Variants in ALG10 observed in about 807,000 individuals in gnomAD.
ALG10 encodes dol-P-Glc:Glc(2)Man(9)GlcNAc(2)-PP-Dol alpha-1,2-glucosyltransferase A.
ALG10 carries 25 observed loss-of-function variants against 39.2 expected under a neutral mutation model. That is an observed-to-expected ratio of 0.64 (90% CI 0.46 to 0.89). ALG10 has a LOEUF of 0.89. ALG10 is among the 40% of genes least tolerant of loss of function. The pLI, the probability that ALG10 is intolerant of heterozygous loss-of-function variation, is 0.00. For synonymous variants in ALG10, 184 were observed against 193.9 expected, an observed-to-expected ratio of 0.95 and a Z score of 0.42; for missense variants, 486 against 546.6, an observed-to-expected ratio of 0.89 and a Z score of 1.11.
chr12:34,024,337 A>G (rs1471761594), intron 2 of ALG10, among the ~76,000 whole-genome samples, 178 bp downstream of exon 2: 1 of 152,254 alleles, frequency 6.6e-6, no homozygotes, highest in Non-Finnish European at 1.5e-5. Flanking sequence ...ATTCGTATTT[A>G]AATACTTGAA....
In ALG10 at chr12:34,022,660, T is replaced by G. The variant is rs1174043504; in HGVS notation, c.61T>G (p.Cys21Gly). 18 of 1,614,058 alleles carry G rather than the reference T, an allele frequency of 1.1e-5. No homozygotes were observed. The highest frequency in any genetic ancestry group is 1.4e-5 in the Non-Finnish European group (16 of 1,180,016). The change falls in exon 1 of 3, where the codon TGC (cysteine) becomes GGC (glycine). Residue 21 changes from cysteine (C) to glycine (G), a missense_variant. By Grantham distance (159) the Cys-to-Gly change is radical. Transcript: ENST00000266483. ...AALSCTFLVSCLLFSAFSRAL... is the reference protein window; with the variant it reads ...AALSCTFLVSGLLFSAFSRAL... The stretch of plus-strand genomic sequence containing the variant: ...CTTGAGCTGTACCTTTTTAGTATCC[T>G]GCCTCCTCTTCTCCGCCTTCAGCCG...
chr12:34,025,815 AT>A (rs754993012), intron 2 of ALG10, 47 bp from the exon 3 acceptor site: 2 of 1,609,436 alleles, frequency 1.2e-6, no homozygotes, highest in South Asian at 1.1e-5. Context: ...CAGAAATAGC[AT>A]TTTTTGTCAT....
At position 34,024,078 on chromosome 12, in the gene ALG10, C is replaced by G; in HGVS notation, c.288C>G (p.Leu96=). 6.2e-7 allele frequency: 1 copy of G among 1,614,136 alleles called. No individual in the cohort carries two copies. The highest frequency in any genetic ancestry group is 8.5e-7 in the Non-Finnish European group (1 of 1,180,010). The change falls in exon 2 of 3, where the codon CTC becomes CTG. Residue 96 remains leucine (L), a synonymous_variant. Coordinates refer to ENST00000266483, the MANE Select transcript of ALG10 (RefSeq NM_032834.4). ...ATGTTGTCTGCTCCATTGGGATGCT[C>G]AGATTTGTTAATCTTCTCTTCAGTG... The part of the protein sequence containing the change: ...SEHVVCSIGM[L]RFVNLLFSVG...
Position 34,028,294 on chromosome 12 carries a change from C to T in ALG10, c.*1379C>T, listed in dbSNP as rs944794021. The T allele has an allele frequency of 6.6e-6, 1 of 152,146 alleles. No individual in the cohort carries two copies. The highest frequency in any genetic ancestry group is 2.4e-5 in the African/African-American group (1 of 41,446). 9.4% of individuals were successfully genotyped at this position (152,146 alleles called of 1,614,324 possible). On this transcript the variant is annotated 3_prime_UTR_variant, in exon 3 of 3. Coordinates refer to ENST00000266483, the MANE Select transcript of ALG10 (RefSeq NM_032834.4). ...GATTAAATAAAGCTAATCTATCCAT[C>T]ACCTCAAATATTTGACATATTTTGT...
At position 34,026,246 on chromosome 12, in the gene ALG10, G is replaced by T; in HGVS notation, c.753G>T (p.Leu251Phe). 6.2e-7 allele frequency: 1 copy of T among 1,614,044 alleles called. No homozygotes were observed. The highest frequency in any genetic ancestry group is 8.5e-7 in the Non-Finnish European group (1 of 1,179,972). Residue 251 changes from leucine (L) to phenylalanine (F), a missense_variant, in exon 3 of 3, where the codon TTG becomes TTT. Physicochemically the swap from Leu to Phe is conservative, Grantham distance 22. Coordinates refer to ENST00000266483, the MANE Select transcript of ALG10 (RefSeq NM_032834.4). ...SMSFKNLSMLLLLTWPYILLG... is the reference protein window; with the variant it reads ...SMSFKNLSMLFLLTWPYILLG... Reference sequence around the variant, plus strand: ...CCTTTAAAAACTTGAGTATGCTTTTGCTTCTGACTTGGCCCTACATCCTTC... The same window carrying T: ...CCTTTAAAAACTTGAGTATGCTTTTTCTTCTGACTTGGCCCTACATCCTTC...
At position 34,026,432 on chromosome 12, in the gene ALG10, G is replaced by C. The variant is rs1180308804; in HGVS notation, c.939G>C (p.Lys313Asn). 1 of 1,613,676 alleles carries C rather than the reference G, an allele frequency of 6.2e-7. No homozygotes were observed. Among genetic ancestry groups the C allele is most frequent in the Non-Finnish European group, 8.5e-7 (1 of 1,179,906 alleles). Reference sequence around the variant, plus strand: ...ATCTCCTGTCTCCTAGCAAAATTAAGACTTTTCTTTCCTTAGTTTGGAAAC... The same window carrying C: ...ATCTCCTGTCTCCTAGCAAAATTAACACTTTTCTTTCCTTAGTTTGGAAAC... ...FPHLLSPSKI[K>N]TFLSLVWKRR... The change falls in exon 3 of 3, where the codon AAG becomes AAC. Residue 313 changes from lysine (K) to asparagine (N), a missense_variant. Physicochemically the swap from Lys to Asn is moderately conservative, Grantham distance 94 (BLOSUM62 0). Transcript: ENST00000266483.
chr12:34,025,591 T>G (rs1647039828), intron 2 of ALG10, among the ~76,000 whole-genome samples: 1 of 152,178 alleles, frequency 6.6e-6, no homozygotes. Flanking sequence ...CCTTAACTAA[T>G]CATTGCCTGA....
In ALG10 at chr12:34,024,039, T is replaced by C. The variant is rs769209909; in HGVS notation, c.249T>C (p.Phe83=). The C allele has an allele frequency of 1.1e-5, 17 of 1,614,082 alleles. No homozygotes were observed. The South Asian group carries it at 1.8e-4, about 17-fold the overall frequency. ...TGATCAAACCTGCCATTTGGATCTTTGGATGGTCTGAACATGTTGTCTGCT... is the reference window on the plus strand; with the variant it reads ...TGATCAAACCTGCCATTTGGATCTTCGGATGGTCTGAACATGTTGTCTGCT... ...IGVIKPAIWI[F]GWSEHVVCSI... is the part of the protein sequence containing the mutation. Residue 83 remains phenylalanine (F), a synonymous_variant, in exon 2 of 3, where the codon TTT becomes TTC. Coordinates refer to ENST00000266483, the MANE Select transcript of ALG10 (RefSeq NM_032834.4).
In ALG10 at chr12:34,027,269, G is replaced by C; in HGVS notation, c.*354G>C. 6.2e-6 allele frequency: 1 copy of C among 161,700 alleles called. No homozygotes were observed. Among genetic ancestry groups the C allele is most frequent in the South Asian group, 2.0e-4 (1 of 5,094 alleles). The allele number at this position is 161,700 out of a possible 1,614,324, so 10.0% of individuals were successfully genotyped here. On this transcript the variant is annotated 3_prime_UTR_variant, in exon 3 of 3. Transcript: ENST00000266483. ...TACTGGAATGAATTTATTCTCTTCA[G>C]AGAGAAATATTAGGTTAGTGCAAAA...
In ALG10 at chr12:34,022,558, T is replaced by A; in HGVS notation, c.-42T>A. On this transcript the variant is annotated 5_prime_UTR_variant, in exon 1 of 3. Coordinates refer to ENST00000266483, the MANE Select transcript of ALG10 (RefSeq NM_032834.4). ...CAGCTCGGGTTTCCAGGCTCAGAAT[T>A]TTCCAGGAGTAGGTTCTTGGGCAGT... The A allele has an allele frequency of 6.2e-7, 1 of 1,613,792 alleles. No homozygotes were observed. Among genetic ancestry groups the A allele is most frequent in the Non-Finnish European group, 8.5e-7 (1 of 1,179,850 alleles).
At chr12:34,025,287 A>G (rs1319822256) in intron 2 of ALG10, among the ~76,000 whole-genome samples, 2 of 152,234 alleles carry the variant, frequency 1.3e-5, no homozygotes, top group African/African-American at 2.4e-5. Flanking sequence ...AAAGGCCAAA[A>G]GAAGATATAT....
At position 34,028,102 on chromosome 12, in the gene ALG10, C is replaced by T. The variant is rs1434582374; in HGVS notation, c.*1187C>T. 1.3e-5 allele frequency: 2 copies of T among 152,076 alleles called. No homozygotes were observed. Among genetic ancestry groups the T allele is most frequent in the Non-Finnish European group, 2.9e-5 (2 of 68,018 alleles). 9.4% of individuals were successfully genotyped at this position (152,076 alleles called of 1,614,324 possible). On this transcript the variant is annotated 3_prime_UTR_variant, in exon 3 of 3. Coordinates refer to ENST00000266483, the MANE Select transcript of ALG10 (RefSeq NM_032834.4). ...ATGATCTGAGTAGACATTGTCTCTT[C>T]GTGGGATACTTTTCAGTCCATGACA...
Position 34,022,687 on chromosome 12 carries a change from G to C in ALG10, c.88G>C (p.Ala30Pro). The C allele has an allele frequency of 6.2e-7, 1 of 1,614,128 alleles. No homozygotes were observed. The highest frequency in any genetic ancestry group is 8.5e-7 in the Non-Finnish European group (1 of 1,180,004). The change falls in exon 1 of 3, where the codon GCG becomes CCG. Residue 30 changes from alanine (A) to proline (P), a missense_variant. Coordinates refer to ENST00000266483, the MANE Select transcript of ALG10 (RefSeq NM_032834.4). ...SCLLFSAFSRALREPYMDEIF... is the reference protein window; with the variant it reads ...SCLLFSAFSRPLREPYMDEIF... ...CCTCCTCTTCTCCGCCTTCAGCCGGGCGTTGCGAGAGCCCTACATGGACGA... is the reference window on the plus strand; with the variant it reads ...CCTCCTCTTCTCCGCCTTCAGCCGGCCGTTGCGAGAGCCCTACATGGACGA...
In ALG10 at chr12:34,026,906, T is replaced by G; in HGVS notation, c.1413T>G (p.Phe471Leu). 1 of 1,613,398 alleles carries G rather than the reference T, an allele frequency of 6.2e-7. No individual in the cohort carries two copies. Among genetic ancestry groups the G allele is most frequent in the Non-Finnish European group, 8.5e-7 (1 of 1,179,616 alleles). Residue 471 changes from phenylalanine (F) to leucine (L), a missense_variant, in exon 3 of 3, where the codon TTT becomes TTG. By Grantham distance (22) the Phe-to-Leu change is conservative (BLOSUM62 0). Coordinates refer to ENST00000266483, the MANE Select transcript of ALG10 (RefSeq NM_032834.4). ...CAAATAGTCAGGACATTCAAAGGTT[T>G]ATGTGGTAATATCAGTGATATTTCG... is the stretch of plus-strand genomic sequence containing the variant. ...QWPNSQDIQR[F>L]MW
intron 1 of ALG10, 36 bp downstream of exon 1, chr12:34,022,806 C>G (rs1461254806): frequency 6.2e-7 from 1 of 1,613,514 alleles, no homozygotes; most frequent in South Asian, 1.1e-5. Context: ...CCAGGAGAGG[C>G]CTGAGAGGTC....
In ALG10 at chr12:34,024,057, T is replaced by C. The variant is rs1942806853; in HGVS notation, c.267T>C (p.Val89=). 1.9e-6 allele frequency: 3 copies of C among 1,614,208 alleles called. No individual in the cohort carries two copies. Among genetic ancestry groups the C allele is most frequent in the Non-Finnish European group, 2.5e-6 (3 of 1,180,024 alleles). ...AIWIFGWSEH[V]VCSIGMLRFV... ...GGATCTTTGGATGGTCTGAACATGTTGTCTGCTCCATTGGGATGCTCAGAT... is the reference window on the plus strand; with the variant it reads ...GGATCTTTGGATGGTCTGAACATGTCGTCTGCTCCATTGGGATGCTCAGAT... Residue 89 remains valine, a synonymous_variant, in exon 2 of 3, where the codon GTT becomes GTC. Coordinates refer to ENST00000266483, the MANE Select transcript of ALG10 (RefSeq NM_032834.4).
chr12:34,024,261 G>C lies in ALG10; in HGVS notation c.369+102G>C, dbSNP rs556348316. The stretch of plus-strand genomic sequence containing the variant: ...TGGTGAAAAATGTCTTTAACACTTT[G>C]TAACTTTGTATTTTTGTATATTATG... On this transcript the variant is annotated intron_variant, in intron 2 of 2. Coordinates refer to ENST00000266483, the MANE Select transcript of ALG10 (RefSeq NM_032834.4). 3.8e-5 allele frequency: 52 copies of C among 1,377,074 alleles called. No homozygotes were observed. The South Asian group carries it at 5.1e-4, about 14-fold the overall frequency. The allele number at this position is 1,377,074 out of a possible 1,614,324, so 85.3% of individuals were successfully genotyped here.
chr12:34,024,707 A>C (rs1296809792), intron 2 of ALG10, among the ~76,000 whole-genome samples: 4 of 152,236 alleles, frequency 2.6e-5, no homozygotes, highest in Non-Finnish European at 5.9e-5. Context: ...AAAGAAACTT[A>C]ATAAATGGAA....
chr12:34,024,637 CTTCATG>C (rs1486807871), intron 2 of ALG10, among the ~76,000 whole-genome samples: 1 of 152,124 alleles, frequency 6.6e-6, no homozygotes, highest in African/African-American at 2.4e-5. Flanking sequence ...GGCTCCATGT[CTTCATG>C]TATTAAATAA....
Sources: gnomAD v4.1 joint callset for allele counts (sites outside exome capture counted in the v4.1 genomes callset) on GRCh38, gnomAD v4.1.1 for gene constraint, MANE v1.5 for transcripts, NCBI Gene and HGNC (gene_info 2026-07-23, HGNC 2026-07-21) for gene names.